The following MAML2 variants were observed in gnomAD, a reference collection of about 807,000 sequenced individuals.
MAML2 encodes the protein mastermind-like protein 2.
MAML2 carries 22 observed loss-of-function variants against 96.1 expected under a neutral mutation model. The ratio of observed to expected loss-of-function variants is 0.23; its 90% CI spans 0.16 to 0.33. The LOEUF (loss-of-function observed/expected upper bound fraction) is 0.33, where lower values mean the gene tolerates loss of function less well. MAML2 is among the 10% of genes least tolerant of loss of function. The probability of loss-of-function intolerance (pLI) is 1.00; values close to 1 mark genes in which losing one functional copy is unlikely to be tolerated. For missense variants in MAML2, 1,367 were observed against 1,392.4 expected (o/e 0.98, Z 0.29); for synonymous variants, 561 against 521.3 (o/e 1.08, Z -1.04).
chr11:96,073,321 C>CTTTTTTTTT (rs57220287), intron 2 of MAML2, among the ~76,000 whole-genome samples: 5 of 108,298 alleles, frequency 4.6e-5, no homozygotes, highest in Non-Finnish European at 3.9e-5. Context: ...CTTTTCTTTT[C>CTTTTTTTTT]TTTTTTTTTT....
At chr11:96,063,231 T>A (rs1047691205) in intron 2 of MAML2, among the ~76,000 whole-genome samples, 3 of 152,188 alleles carry the variant, frequency 2.0e-5, no homozygotes, top group Non-Finnish European at 4.4e-5. Context: ...CAATCTTCTG[T>A]AGGGGCCCCT....
intron 1 of MAML2, among the ~76,000 whole-genome samples, chr11:96,319,050 G>T (rs1863669043): frequency 6.6e-6 from 1 of 152,196 alleles, no homozygotes; most frequent in Non-Finnish European, 1.5e-5. Flanking sequence ...TTGAGATAAG[G>T]TTGTAAATGC....
At chr11:96,026,531 G>T (rs771815064) in intron 2 of MAML2, among the ~76,000 whole-genome samples, 1 of 152,072 alleles carries the variant, frequency 6.6e-6, no homozygotes, top group Non-Finnish European at 1.5e-5. Context: ...TCCTTCAGAG[G>T]TGATTCACAT....
In MAML2 at chr11:95,977,601, T is replaced by C. The variant is rs1857667898; in HGVS notation, c.*1347A>G. 1.9e-5 allele frequency: 4 copies of C among 212,978 alleles called. No individual in the cohort carries two copies. The highest frequency in any genetic ancestry group is 1.4e-3 in the Middle Eastern group (1 of 698). The allele number at this position is 212,978 out of a possible 1,614,324, so 13.2% of individuals were successfully genotyped here. A position where few individuals can be genotyped will look rare whatever the true frequency, so the allele number is the denominator to read the frequency against. ...AGTGATATTTTGCATTCATTCCAAA[T>C]CAGCACACGTCTTCCCCATTTTACA... On this transcript the variant is annotated 3_prime_UTR_variant, in exon 5 of 5. Coordinates refer to ENST00000524717, the MANE Select transcript of MAML2 (RefSeq NM_032427.4).
At chr11:96,141,073 A>C (rs1407575030) in intron 1 of MAML2, among the ~76,000 whole-genome samples, 1 of 152,136 alleles carries the variant, frequency 6.6e-6, no homozygotes, top group African/African-American at 2.4e-5. Context: ...TGTTGACCAT[A>C]TCTTTATTGT....
chr11:96,231,064 G>GA (rs35610532), intron 1 of MAML2, among the ~76,000 whole-genome samples: 21,012 of 152,216 alleles, frequency 0.14, 1,716 homozygotes, highest in African/African-American at 0.21. Context: ...ATGTGAATGA[G>GA]AAAGAGGTCA....
At chr11:96,030,185 G>A (rs1432223919) in intron 2 of MAML2, among the ~76,000 whole-genome samples, 2 of 151,642 alleles carry the variant, frequency 1.3e-5, no homozygotes, top group Admixed American at 6.6e-5. Context: ...GCAGTGAGCC[G>A]AGATTGCGCC....
chr11:95,980,015 T>C, intron 4 of MAML2, 52 bp from the exon 5 acceptor site: 1 of 1,402,466 alleles, frequency 7.1e-7, no homozygotes, highest in South Asian at 1.4e-5. Context: ...TTATCTCCTC[T>C]GTAACTGCAC....
chr11:96,264,062 A>C (rs1862790063), intron 1 of MAML2, among the ~76,000 whole-genome samples: 1 of 152,228 alleles, frequency 6.6e-6, no homozygotes, highest in Non-Finnish European at 1.5e-5. Context: ...CCTAAAAGCC[A>C]AGTATGGACT....
At chr11:96,018,608 C>T (rs750426648) in intron 2 of MAML2, among the ~76,000 whole-genome samples, 2 of 152,064 alleles carry the variant, frequency 1.3e-5, no homozygotes, top group African/African-American at 2.4e-5. Flanking sequence ...TTAATGGATT[C>T]GATGTTCCTG....
At chr11:96,152,842 C>T (rs192053976) in intron 1 of MAML2, among the ~76,000 whole-genome samples, 7 of 152,312 alleles carry the variant, frequency 4.6e-5, no homozygotes, top group Non-Finnish European at 8.8e-5. Context: ...GTGACCAGCT[C>T]TCAATGACAA....
At chr11:96,114,805 G>A (rs531514451) in intron 1 of MAML2, among the ~76,000 whole-genome samples, 1 of 152,292 alleles carries the variant, frequency 6.6e-6, no homozygotes, top group Admixed American at 6.5e-5. Context: ...GAGCTACCAT[G>A]GCAAGGATTA....
Position 96,341,534 on chromosome 11 carries a change from G to A in MAML2, c.362C>T (p.Thr121Ile). ...GTCTGGTGGGGGCGGTGGGGCTGCT[G>A]TTGCTGCTGCTTGGGAGGCCGCAGG... ...APPAASQAAATAAPPPPPDYH... is the reference protein window; with the variant it reads ...APPAASQAAAIAAPPPPPDYH... The change falls in exon 1 of 5, where the codon ACA becomes ATA. Residue 121 changes from threonine to isoleucine, a missense_variant. Coordinates refer to ENST00000524717, the MANE Select transcript of MAML2 (RefSeq NM_032427.4). 6.4e-7 allele frequency: 1 copy of A among 1,551,078 alleles called. No homozygotes were observed. The highest frequency in any genetic ancestry group is 8.7e-7 in the Non-Finnish European group (1 of 1,146,802).
At chr11:96,089,780 T>C (rs561981701) in intron 2 of MAML2, among the ~76,000 whole-genome samples, 2 of 152,010 alleles carry the variant, frequency 1.3e-5, no homozygotes, top group Non-Finnish European at 2.9e-5. Context: ...AAGCTTTAAA[T>C]GGGTGGCTAC....
chr11:96,150,442 T>A (rs1002880319), intron 1 of MAML2, among the ~76,000 whole-genome samples: 1 of 152,010 alleles, frequency 6.6e-6, no homozygotes, highest in Non-Finnish European at 1.5e-5. Context: ...TTACCTTGAA[T>A]CCTATGGGTT....
chr11:96,244,653 C>T (rs1862487267), intron 1 of MAML2, among the ~76,000 whole-genome samples: 1 of 152,210 alleles, frequency 6.6e-6, no homozygotes, highest in African/African-American at 2.4e-5. Context: ...ACCCCTACGA[C>T]TCTACAGAAC....
At chr11:96,309,214 G>T (rs1052238591) in intron 1 of MAML2, among the ~76,000 whole-genome samples, 15 of 152,194 alleles carry the variant, frequency 9.9e-5, no homozygotes, top group Non-Finnish European at 1.9e-4. Context: ...CTGGGATTTG[G>T]AATGCCATTG....
intron 2 of MAML2, among the ~76,000 whole-genome samples, chr11:96,037,611 T>C (rs1445446608): frequency 6.6e-6 from 1 of 152,124 alleles, no homozygotes; most frequent in Non-Finnish European, 1.5e-5. Context: ...CAATCACCAG[T>C]AACATAGAAC....
At chr11:96,271,509 A>C (rs1238916980) in intron 1 of MAML2, among the ~76,000 whole-genome samples, 1 of 152,180 alleles carries the variant, frequency 6.6e-6, no homozygotes, top group Non-Finnish European at 1.5e-5. Flanking sequence ...GTGGGAAGTA[A>C]TTGAATCATG....
Sources: gnomAD v4.1 joint callset for allele counts (sites outside exome capture counted in the v4.1 genomes callset) on GRCh38, gnomAD v4.1.1 for gene constraint, MANE v1.5 for transcripts, NCBI Gene and HGNC (gene_info 2026-07-23, HGNC 2026-07-21) for gene names.